Variants in STOX2 observed in about 807,000 individuals in gnomAD.
STOX2 encodes the protein storkhead box 2.
A neutral mutation model predicts 60.9 loss-of-function variants in STOX2; 28 were observed. The observed-to-expected ratio is 0.46, with a 90% CI of 0.34 to 0.63. The LOEUF is 0.63. STOX2 is among the 30% of genes least tolerant of loss of function. The pLI, the probability that STOX2 is intolerant of heterozygous loss-of-function variation, is 0.01. For missense variants in STOX2, 1,024 were observed against 1,187.7 expected, an observed-to-expected ratio of 0.86 and a Z score of 2.03; for synonymous variants, 472 against 463.9, an observed-to-expected ratio of 1.02 and a Z score of -0.22.
chr4:183,812,911 A>G (rs533064029), intron 1 of STOX2, among the ~76,000 whole-genome samples: 141 of 152,342 alleles, frequency 9.3e-4, no homozygotes, highest in Admixed American at 3.0e-3. Context: ...AAGCATTTCA[A>G]TGAAGATATT....
intron 1 of STOX2, among the ~76,000 whole-genome samples, chr4:183,887,340 ACACCAT>A (rs567266629): frequency 1.1e-3 from 166 of 152,284 alleles, no homozygotes; most frequent in African/African-American, 3.7e-3. Flanking sequence ...TTTGTCAGAG[ACACCAT>A]CAATTTAGGC....
chr4:183,891,358 T>TTATATATA (rs60300009), intron 1 of STOX2, among the ~76,000 whole-genome samples: 7 of 85,168 alleles, frequency 8.2e-5, no homozygotes, highest in Non-Finnish European at 1.4e-4. Context: ...ATGATGGAAT[T>TTATATATA]TATATATATA....
At chr4:183,950,345 G>A (rs1310532783) in intron 1 of STOX2, among the ~76,000 whole-genome samples, 1 of 151,868 alleles carries the variant, frequency 6.6e-6, no homozygotes, top group Non-Finnish European at 1.5e-5. Flanking sequence ...ATTAGTGGGA[G>A]AGAGAGAGAG....
At chr4:183,930,421 T>C (rs1323271178) in intron 1 of STOX2, among the ~76,000 whole-genome samples, 1 of 151,830 alleles carries the variant, frequency 6.6e-6, no homozygotes, top group Admixed American at 6.6e-5. Flanking sequence ...GGCACGATCA[T>C]GCCTCACTCC....
At chr4:183,927,439 T>G (rs1404276295) in intron 1 of STOX2, among the ~76,000 whole-genome samples, 3 of 152,164 alleles carry the variant, frequency 2.0e-5, no homozygotes, top group Non-Finnish European at 4.4e-5. Flanking sequence ...AAGCTTATAG[T>G]GTCAGTTTAG....
chr4:183,844,899 G>A (rs1739951217), intron 1 of STOX2, among the ~76,000 whole-genome samples: 1 of 152,142 alleles, frequency 6.6e-6, no homozygotes, highest in Non-Finnish European at 1.5e-5. Flanking sequence ...TTTCACATGT[G>A]CACAGTGCTT....
chr4:183,815,003 A>AT (rs1317488176), intron 1 of STOX2, among the ~76,000 whole-genome samples: 2 of 151,598 alleles, frequency 1.3e-5, no homozygotes, highest in African/African-American at 2.4e-5. Context: ...ATTTTATTTT[A>AT]TTTTATTTTT....
At chr4:183,837,764 G>A (rs554165549) in intron 1 of STOX2, among the ~76,000 whole-genome samples, 9 of 152,168 alleles carry the variant, frequency 5.9e-5, no homozygotes, top group South Asian at 4.2e-4. Context: ...TGGCCTCCAC[G>A]CATGTTGTAG....
chr4:184,010,585 C>G lies in STOX2; in HGVS notation c.1747C>G (p.Pro583Ala). The part of the protein sequence containing the change: ...LEPGKPPESL[P>A]SYGELNSCPT... Reference sequence around the variant, plus strand: ...GCCAGGAAAACCACCCGAGAGTTTGCCATCCTATGGCGAACTCAACTCTTG... The same window carrying G: ...GCCAGGAAAACCACCCGAGAGTTTGGCATCCTATGGCGAACTCAACTCTTG... Residue 583 changes from proline (P) to alanine (A), a missense_variant, in exon 3 of 4, where the codon CCA becomes GCA. Coordinates refer to ENST00000308497, the MANE Select transcript of STOX2 (RefSeq NM_020225.3). This position sits in a 1 kb window ranked among gnomAD's most constrained non-coding sequence, Gnocchi z 4.5. 1 of 1,613,942 alleles carries G rather than the reference C, an allele frequency of 6.2e-7. No individual in the cohort carries two copies. The highest frequency in any genetic ancestry group is 1.3e-5 in the African/African-American group (1 of 75,058).
chr4:183,921,395 G>A lies in STOX2; in HGVS notation c.166+14439G>A, dbSNP rs1039612932. On this transcript the variant is annotated intron_variant, in intron 1 of 3. Transcript: ENST00000308497. ...ATCTTTGATAAGGATCAGTGAACTG[G>A]TTTAGAGTACATTAGATGTATATTA... 1.1e-4 allele frequency among the ~76,000 whole-genome samples: 17 copies of A among 152,168 alleles called. No homozygotes were observed. The South Asian group carries it at 2.7e-3, about 24-fold the overall frequency.
At chr4:183,947,785 T>C (rs1742939354) in intron 1 of STOX2, among the ~76,000 whole-genome samples, 1 of 152,154 alleles carries the variant, frequency 6.6e-6, no homozygotes, top group Non-Finnish European at 1.5e-5. Context: ...GAACGGTGCC[T>C]CCTCTGTGTC....
chr4:183,860,511 C>A (rs928197960), intron 1 of STOX2, among the ~76,000 whole-genome samples: 2 of 150,330 alleles, frequency 1.3e-5, no homozygotes, highest in Non-Finnish European at 3.0e-5. Context: ...GCTTGAATTC[C>A]CCTACCTCTT....
At chr4:183,951,029 C>T (rs1013210529) in intron 1 of STOX2, among the ~76,000 whole-genome samples, 2 of 151,966 alleles carry the variant, frequency 1.3e-5, no homozygotes, top group African/African-American at 2.4e-5. Context: ...TCCTGGCTAA[C>T]ACGGTGAAAC....
chr4:183,818,223 C>A (rs1160274908), intron 1 of STOX2, among the ~76,000 whole-genome samples: 1 of 151,822 alleles, frequency 6.6e-6, no homozygotes, highest in Non-Finnish European at 1.5e-5. Context: ...CTCTGGTTTT[C>A]CTAGGCAGAG....
At chr4:183,901,911 C>G (rs1741471352), upstream of STOX2, among the ~76,000 whole-genome samples, 1 of 152,136 alleles carries the variant, frequency 6.6e-6, no homozygotes, top group Admixed American at 6.5e-5. Flanking sequence ...ACAGTGTCTT[C>G]TGATGCACAC....
At chr4:183,936,060 C>T (rs1180629604) in intron 1 of STOX2, among the ~76,000 whole-genome samples, 1 of 152,182 alleles carries the variant, frequency 6.6e-6, no homozygotes, top group Non-Finnish European at 1.5e-5. Flanking sequence ...GAAATGCTTT[C>T]CTGTAGGAAC....
At chr4:183,983,095 A>G (rs982058309) in intron 1 of STOX2, among the ~76,000 whole-genome samples, 11 of 152,048 alleles carry the variant, frequency 7.2e-5, no homozygotes, top group African/African-American at 2.2e-4. Flanking sequence ...ATTCTCCAAA[A>G]CATCTTAGAC....
intron 1 of STOX2, among the ~76,000 whole-genome samples, chr4:183,973,782 T>G (rs1579490941): frequency 6.6e-6 from 1 of 152,092 alleles, no homozygotes; most frequent in East Asian, 1.9e-4. Context: ...GATCACGAGG[T>G]GAAGAGATCG....
intron 1 of STOX2, among the ~76,000 whole-genome samples, chr4:183,909,830 T>C (rs1741728998): frequency 6.6e-6 from 1 of 152,256 alleles, no homozygotes; most frequent in Non-Finnish European, 1.5e-5. Flanking sequence ...GAAATGTGAT[T>C]TATAGCAATA....
Sources: gnomAD v4.1 joint callset for allele counts (sites outside exome capture counted in the v4.1 genomes callset) on GRCh38, gnomAD v4.1.1 for gene constraint, Gnocchi (gnomAD v3.1) non-coding constraint, MANE v1.5 for transcripts, NCBI Gene and HGNC (gene_info 2026-07-23, HGNC 2026-07-21) for gene names.